Variants in GATA4 observed in about 807,000 individuals in gnomAD.
The protein encoded by GATA4 is transcription factor GATA-4.
GATA4 carries 7 observed loss-of-function variants against 37.9 expected under a neutral mutation model. That is an observed-to-expected ratio of 0.18 (90% CI 0.11 to 0.35). The LOEUF is 0.35. GATA4 is among the 10% of genes least tolerant of loss of function. The pLI is 1.00. For missense variants in GATA4, 647 were observed against 653.0 expected (o/e 0.99, Z 0.10); for synonymous variants, 372 against 292.6 (o/e 1.27, Z -2.77).
At chr8:11,681,220 T>G in intron 1 of GATA4, 1 of 985,014 alleles carries the variant, frequency 1.0e-6, no homozygotes, top group Non-Finnish European at 1.2e-6. Flanking sequence ...GAGGCAGAGA[T>G]TTCTCGACGT....
intron 1 of GATA4, among the ~76,000 whole-genome samples, chr8:11,685,873 G>A (rs955360717): frequency 1.3e-5 from 2 of 152,192 alleles, no homozygotes; most frequent in Non-Finnish European, 2.9e-5. Flanking sequence ...TCAGACCTCA[G>A]GGAGGGAGAA....
chr8:11,705,302 G>T (rs771253516), intron 1 of GATA4, among the ~76,000 whole-genome samples: 1 of 152,148 alleles, frequency 6.6e-6, no homozygotes, highest in Non-Finnish European at 1.5e-5. Flanking sequence ...GTGATGCTCC[G>T]CACACGTCTG....
rs1431477414 is a variant in GATA4 at position 11,708,418 on chromosome 8, C to G, written c.106C>G (p.Pro36Ala). The change falls in exon 2 of 7, where the codon CCA becomes GCA. Residue 36 changes from proline (P) to alanine (A), a missense_variant. Pro to Ala is a conservative substitution (Grantham distance 27, BLOSUM62 -1). This residue lies in a region of GATA4 where 379 missense variants were observed against 334.5 expected (regional missense o/e 1.13). Coordinates refer to ENST00000532059, the MANE Select transcript of GATA4 (RefSeq NM_001308093.3). This position sits in a 1 kb window ranked among gnomAD's most constrained non-coding sequence, Gnocchi z 6.7. ...GCACGGCGCGGGCGCCGCGTCCTCG[C>G]CAGTCTACGTGCCCACACCGCGGGT... ...FMHGAGAASS[P>A]VYVPTPRVPS... 1.2e-5 allele frequency: 18 copies of G among 1,537,522 alleles called. No homozygotes were observed. In the East Asian group the frequency reaches 3.9e-4, roughly 33 times the overall value.
At chr8:11,716,953 C>T (rs1048359646) in intron 2 of GATA4, among the ~76,000 whole-genome samples, 1 of 152,222 alleles carries the variant, frequency 6.6e-6, no homozygotes, top group Non-Finnish European at 1.5e-5. Flanking sequence ...CTTGCCAACG[C>T]GAGCTGCTGC....
At chr8:11,680,395 T>G in intron 1 of GATA4, 1 of 834,760 alleles carries the variant, frequency 1.2e-6, no homozygotes, top group South Asian at 5.5e-5. Context: ...TCATTGCCAC[T>G]TTCCCGCCCT....
At chr8:11,732,886 A>G (rs1585648799) in intron 2 of GATA4, among the ~76,000 whole-genome samples, 1 of 152,206 alleles carries the variant, frequency 6.6e-6, no homozygotes, top group South Asian at 2.1e-4. Flanking sequence ...TCCAGACCAC[A>G]TGGAGGGAAA....
upstream of GATA4, among the ~76,000 whole-genome samples, chr8:11,689,261 A>T (rs538713621): frequency 2.2e-4 from 34 of 152,354 alleles, no homozygotes; most frequent in Admixed American, 5.9e-4. Flanking sequence ...ATGGGAAGAC[A>T]TTCACTCAAA....
At chr8:11,692,868 C>A in intron 1 of GATA4, 2 of 981,568 alleles carry the variant, frequency 2.0e-6, no homozygotes, top group Non-Finnish European at 1.2e-6. Context: ...CGAGCGCCGC[C>A]GAGTTTGCGC....
chr8:11,705,589 T>G (rs936864042), intron 1 of GATA4, among the ~76,000 whole-genome samples: 2 of 152,192 alleles, frequency 1.3e-5, no homozygotes, highest in East Asian at 1.9e-4. Flanking sequence ...CTCCCCGATT[T>G]TGGCAGCCTC....
chr8:11,732,821 A>G (rs1041669660), intron 2 of GATA4, among the ~76,000 whole-genome samples: 43 of 152,198 alleles, frequency 2.8e-4, no homozygotes, highest in African/African-American at 1.0e-3. Flanking sequence ...TCTGCAGTGA[A>G]ATTAAGAGAT....
At position 11,758,300 on chromosome 8, in the gene GATA4, C is replaced by T. The variant is rs1264782322; in HGVS notation, c.1157C>T (p.Ser386Leu). 1.2e-6 allele frequency: 2 copies of T among 1,614,024 alleles called. No homozygotes were observed. Among genetic ancestry groups the T allele is most frequent in the East Asian group, 4.5e-5 (2 of 44,880 alleles). The change falls in exon 7 of 7, where the codon TCA (serine) becomes TTA (leucine). Residue 386 changes from serine (S) to leucine (L), a missense_variant. Transcript: ENST00000532059. ...GTGCTTTCTGCTTTTCAGACGTTCT[C>T]AGTCAGTGCGATGTCTGGCCATGGG... The part of the protein sequence containing the change: ...GHSSSVSQTF[S>L]VSAMSGHGPS...
intron 4 of GATA4, among the ~76,000 whole-genome samples, chr8:11,754,404 G>T (rs893628750): frequency 3.3e-5 from 5 of 152,142 alleles, no homozygotes; most frequent in Admixed American, 2.0e-4. Context: ...TTTTTGTAGA[G>T]ATGGGGTCTC....
At chr8:11,689,436 G>A (rs76134424), upstream of GATA4, among the ~76,000 whole-genome samples, 25 of 152,212 alleles carry the variant, frequency 1.6e-4, no homozygotes, top group East Asian at 4.8e-3. Flanking sequence ...CCAGGACATT[G>A]GATCACCCCC....
Position 11,697,707 on chromosome 8 carries a change from G to T in GATA4, c.-728-2801G>T, listed in dbSNP as rs1409348804. ...GAGGCTGTTTTCGCACTTGGGCTTC[G>T]CGCTTCCTTGACACTTTCCTGTCTC... is the stretch of plus-strand genomic sequence containing the variant. On this transcript the variant is annotated intron_variant, in intron 1 of 2. Transcript: ENST00000526974. 4 of 985,322 alleles carry T rather than the reference G, an allele frequency of 4.1e-6. No individual in the cohort carries two copies. In the South Asian group the frequency reaches 1.4e-4, roughly 35 times the overall value. The allele number at this position is 985,322 out of a possible 1,614,324, so 61.0% of individuals were successfully genotyped here.
intron 2 of GATA4, among the ~76,000 whole-genome samples, chr8:11,723,919 G>A (rs2130161646): frequency 6.6e-6 from 1 of 152,242 alleles, no homozygotes; most frequent in South Asian, 2.1e-4. Flanking sequence ...AGCAGTCTCC[G>A]GAACTCTTGC....
At chr8:11,745,904 A>G (rs935624725) in intron 2 of GATA4, among the ~76,000 whole-genome samples, 2 of 152,238 alleles carry the variant, frequency 1.3e-5, no homozygotes, top group Admixed American at 6.5e-5. Flanking sequence ...GATTGACCAC[A>G]AATGATTGGA....
At chr8:11,680,774 C>A in intron 1 of GATA4, 1 of 985,324 alleles carries the variant, frequency 1.0e-6, no homozygotes, top group Non-Finnish European at 1.2e-6. Flanking sequence ...TCTCCAGATG[C>A]GAGGTGCTCA....
intron 2 of GATA4, among the ~76,000 whole-genome samples, chr8:11,734,892 T>A (rs1001982225): frequency 9.2e-5 from 14 of 152,164 alleles, no homozygotes; most frequent in Non-Finnish European, 1.9e-4. Flanking sequence ...CACATGTGGG[T>A]TAGGATTGCA....
chr8:11,695,013 A>G (rs1799462619), intron 1 of GATA4, among the ~76,000 whole-genome samples: 1 of 152,218 alleles, frequency 6.6e-6, no homozygotes, highest in Non-Finnish European at 1.5e-5. Flanking sequence ...TTTATCTGGC[A>G]CAGAGCACTT....
Sources: gnomAD v4.1 joint callset for allele counts (sites outside exome capture counted in the v4.1 genomes callset) on GRCh38, gnomAD v4.1.1 for gene constraint, gnomAD v4.1.1 regional missense constraint, Gnocchi (gnomAD v3.1) non-coding constraint, MANE v1.5 for transcripts, NCBI Gene and HGNC (gene_info 2026-07-23, HGNC 2026-07-21) for gene names.